Variants in UNC13C observed in about 807,000 individuals in gnomAD.
UNC13C encodes unc-13 homolog C, also known as protein unc-13 homolog C.
Under a neutral mutation model 245.4 loss-of-function variants are expected in UNC13C, and 174 were observed. The ratio of observed to expected loss-of-function variants is 0.71; its 90% CI spans 0.63 to 0.80. UNC13C has a LOEUF of 0.80. UNC13C is among the 30% of genes least tolerant of loss of function. The pLI is 0.00. For synonymous variants in UNC13C, 992 were observed against 895.1 expected (o/e 1.11, Z -1.93); for missense variants, 2,829 against 2,602.9 (o/e 1.09, Z -1.89).
chr15:54,106,611 A>T (rs1229444172), intron 2 of UNC13C, among the ~76,000 whole-genome samples: 1 of 152,140 alleles, frequency 6.6e-6, no homozygotes, highest in African/African-American at 2.4e-5. Flanking sequence ...AGTGAAGTTA[A>T]TCCTTCATTT....
chr15:53,874,680 C>T, the UNC13C span, among the ~76,000 whole-genome samples: 2 of 152,174 alleles, frequency 1.3e-5, no homozygotes, highest in South Asian at 2.1e-4. Context: ...TAGCTCAATA[C>T]CTACTTTTCT....
intron 10 of UNC13C, among the ~76,000 whole-genome samples, chr15:54,276,199 A>G (rs1014043720): frequency 5.3e-5 from 8 of 152,142 alleles, no homozygotes; most frequent in African/African-American, 1.9e-4. Context: ...TTGAAATACA[A>G]CTTTAATTAT....
chr15:54,552,753 C>T (rs1212012180), intron 28 of UNC13C, among the ~76,000 whole-genome samples: 2 of 63,978 alleles, frequency 3.1e-5, no homozygotes, highest in East Asian at 5.5e-4. Context: ...TTATATAGTA[C>T]AATATATAAT....
intron 4 of UNC13C, among the ~76,000 whole-genome samples, chr15:54,207,328 G>GA (rs2034747855): frequency 6.6e-6 from 1 of 151,898 alleles, no homozygotes; most frequent in South Asian, 2.1e-4. Context: ...ATTAGTTTCA[G>GA]AAAAAAGCTG....
At chr15:54,308,242 T>A (rs2037777452) in intron 13 of UNC13C, among the ~76,000 whole-genome samples, 1 of 151,948 alleles carries the variant, frequency 6.6e-6, no homozygotes, top group Non-Finnish European at 1.5e-5. Context: ...GCAAGTGACA[T>A]TAACCCAGAT....
chr15:53,918,356 A>AT, the UNC13C span, among the ~76,000 whole-genome samples: 4,925 of 150,302 alleles, frequency 0.033, 114 homozygotes, highest in Middle Eastern at 0.072. Flanking sequence ...TCCTACTCAG[A>AT]TTTTTTTTTT....
chr15:54,435,037 C>G (rs770897953), intron 19 of UNC13C, among the ~76,000 whole-genome samples: 21 of 152,086 alleles, frequency 1.4e-4, no homozygotes, highest in Non-Finnish European at 1.9e-4. Context: ...GAGATACCAT[C>G]TCACGCCAGT....
the UNC13C span, among the ~76,000 whole-genome samples, chr15:53,901,244 CA>C: frequency 8.0e-6 from 1 of 125,222 alleles, no homozygotes; most frequent in South Asian, 2.5e-4. Flanking sequence ...TTTTGAGATG[CA>C]GTCTCACTCT....
the UNC13C span, among the ~76,000 whole-genome samples, chr15:53,880,182 C>T: frequency 6.6e-6 from 1 of 152,002 alleles, no homozygotes; most frequent in Non-Finnish European, 1.5e-5. Context: ...ATCTCCGAGA[C>T]GTATTTTCTA....
the UNC13C span, among the ~76,000 whole-genome samples, chr15:53,907,152 C>T: frequency 6.6e-6 from 1 of 152,134 alleles, no homozygotes; most frequent in South Asian, 2.1e-4. Context: ...TCTGCTTCTT[C>T]CAAAGCCTGT....
chr15:53,844,566 A>G, the UNC13C span, among the ~76,000 whole-genome samples: 1 of 152,094 alleles, frequency 6.6e-6, no homozygotes, highest in Non-Finnish European at 1.5e-5. Flanking sequence ...TATAGCCTGG[A>G]AGACAGAGCT....
At chr15:54,550,078 A>G (rs1418089673) in intron 28 of UNC13C, among the ~76,000 whole-genome samples, 1 of 152,174 alleles carries the variant, frequency 6.6e-6, no homozygotes, top group Non-Finnish European at 1.5e-5. Context: ...TGTTCTGACT[A>G]AATGACCTTG....
chr15:54,259,179 C>A (rs1012882976), intron 8 of UNC13C, among the ~76,000 whole-genome samples: 10 of 152,326 alleles, frequency 6.6e-5, no homozygotes, highest in African/African-American at 1.9e-4. Flanking sequence ...ATTATCACAT[C>A]GGAGATTAGG....
chr15:54,323,144 A>G (rs2038209312), intron 14 of UNC13C, among the ~76,000 whole-genome samples: 1 of 151,980 alleles, frequency 6.6e-6, no homozygotes, highest in South Asian at 2.1e-4. Context: ...TTTAGAAATC[A>G]AATTTTGAGT....
intron 8 of UNC13C, among the ~76,000 whole-genome samples, chr15:54,259,832 A>C (rs2140882459): frequency 6.6e-6 from 1 of 152,372 alleles, no homozygotes; most frequent in Admixed American, 6.5e-5. Flanking sequence ...CTGTTTTCAA[A>C]GAATTGCAAA....
chr15:54,122,176 A>G (rs1030031349), intron 2 of UNC13C, among the ~76,000 whole-genome samples: 13 of 151,782 alleles, frequency 8.6e-5, no homozygotes, highest in African/African-American at 2.9e-4. Flanking sequence ...ACTTTGTTAA[A>G]TTGTAGAAAT....
At chr15:54,130,723 A>T (rs2031366780) in intron 2 of UNC13C, among the ~76,000 whole-genome samples, 1 of 152,128 alleles carries the variant, frequency 6.6e-6, no homozygotes, top group African/African-American at 2.4e-5. Context: ...TTTTCCATTC[A>T]CGTTCCTAGG....
At chr15:54,563,879 C>T (rs1031693569) in intron 29 of UNC13C, among the ~76,000 whole-genome samples, 6 of 151,992 alleles carry the variant, frequency 3.9e-5, no homozygotes, top group Admixed American at 3.9e-4. Flanking sequence ...AATGTAAAAT[C>T]TCTGAATGCC....
chr15:54,546,982 C>A, intron 27 of UNC13C, 137 bp downstream of exon 27: 2 of 794,982 alleles, frequency 2.5e-6, no homozygotes, highest in Non-Finnish European at 3.8e-6. Context: ...TAACAATGAT[C>A]ATTCAAATGA....
Sources: gnomAD v4.1 joint callset for allele counts (sites outside exome capture counted in the v4.1 genomes callset) on GRCh38, gnomAD v4.1.1 for gene constraint, MANE v1.5 for transcripts, NCBI Gene and HGNC (gene_info 2026-07-23, HGNC 2026-07-21) for gene names.